The following PNLIPRP3 variants were observed in gnomAD, a reference collection of about 807,000 sequenced individuals.
The protein encoded by PNLIPRP3 is pancreatic lipase-related protein 3.
PNLIPRP3 carries 58 observed loss-of-function variants against 52.8 expected under a neutral mutation model. That is an observed-to-expected ratio of 1.10 (90% confidence interval 0.89 to 1.37). The LOEUF is 1.37. Ranked by LOEUF, PNLIPRP3 falls within the 40% of genes most tolerant of loss-of-function variation. PNLIPRP3 has a pLI of 0.00. For missense variants in PNLIPRP3, 593 were observed against 561.6 expected (o/e 1.06, Z -0.57); for synonymous variants, 192 against 185.0 (o/e 1.04, Z -0.31).
chr10:116,453,609 C>G (rs1846070273), intron 4 of PNLIPRP3, among the ~76,000 whole-genome samples: 2 of 151,986 alleles, frequency 1.3e-5, no homozygotes, highest in South Asian at 4.2e-4. Context: ...AGTGCCACCC[C>G]CTTGGTGATG....
intron 8 of PNLIPRP3, among the ~76,000 whole-genome samples, chr10:116,467,508 C>G (rs1312801146): frequency 6.6e-6 from 1 of 152,184 alleles, no homozygotes; most frequent in African/African-American, 2.4e-5. Flanking sequence ...TACTCAAGCA[C>G]TGCTACCCAT....
intron 5 of PNLIPRP3, among the ~76,000 whole-genome samples, chr10:116,460,149 T>C (rs182401171): frequency 1.8e-4 from 28 of 152,326 alleles, no homozygotes; most frequent in African/African-American, 6.3e-4. Context: ...ATAACACTTA[T>C]GATCACCACT....
chr10:116,446,269 C>T (rs1564696646), intron 4 of PNLIPRP3, among the ~76,000 whole-genome samples: 1 of 146,820 alleles, frequency 6.8e-6, no homozygotes, highest in Non-Finnish European at 1.5e-5. Context: ...TGGTGTGAAC[C>T]CGGGAGGCGG....
intron 7 of PNLIPRP3, among the ~76,000 whole-genome samples, chr10:116,461,976 G>T (rs1039159935): frequency 6.6e-6 from 1 of 152,114 alleles, no homozygotes; most frequent in African/African-American, 2.4e-5. Flanking sequence ...AGGGCATAAG[G>T]TTGGAGAGGG....
At position 116,476,658 on chromosome 10, in the gene PNLIPRP3, A is replaced by G. The variant is rs776854727; in HGVS notation, c.1179A>G (p.Lys393=). The G allele has an allele frequency of 2.6e-6, 4 of 1,568,250 alleles. No homozygotes were observed. The Admixed American group carries it at 8.2e-5, about 32-fold the overall frequency. ...GTCTTATTTTTGTTTACAGTGGAAA[A>G]CTTGAGCCAGGCATGACTTACACAA... is the stretch of plus-strand genomic sequence containing the variant. The part of the protein sequence containing the change: ...KTGEFAIVSG[K]LEPGMTYTKL... The change falls in exon 11 of 12, where the codon AAA becomes AAG. Residue 393 remains lysine, a synonymous_variant. Coordinates refer to ENST00000369230, the MANE Select transcript of PNLIPRP3 (RefSeq NM_001011709.3).
At chr10:116,435,303 G>A (rs2133111127) in intron 1 of PNLIPRP3, among the ~76,000 whole-genome samples, 1 of 152,216 alleles carries the variant, frequency 6.6e-6, no homozygotes, top group South Asian at 2.1e-4. Context: ...CTTGGAAGCT[G>A]GAAGGGAGGA....
At chr10:116,448,058 AAAG>A (rs1413783361) in intron 4 of PNLIPRP3, among the ~76,000 whole-genome samples, 3 of 152,022 alleles carry the variant, frequency 2.0e-5, no homozygotes, top group Non-Finnish European at 4.4e-5. Context: ...GAAAGAAAGA[AAAG>A]AAACAGAAAG....
intron 1 of PNLIPRP3, among the ~76,000 whole-genome samples, chr10:116,429,711 G>C (rs1389556539): frequency 6.6e-6 from 1 of 152,228 alleles, no homozygotes; most frequent in African/African-American, 2.4e-5. Context: ...AGTTAGACTG[G>C]TGAAGGCAGA....
Position 116,436,524 on chromosome 10 carries a change from G to T in PNLIPRP3, c.50-187G>T, listed in dbSNP as rs191005067. On this transcript the variant is annotated intron_variant, in intron 1 of 11. Transcript: ENST00000369230. Reference sequence around the variant, plus strand: ...GATTGCATTAAACAAAAAAGCTTCTGCACAGTAAAGGAACTAGTCAACAAA... The same window carrying T: ...GATTGCATTAAACAAAAAAGCTTCTTCACAGTAAAGGAACTAGTCAACAAA... Among the ~76,000 whole-genome samples, 15 of 152,218 alleles carry T rather than the reference G, an allele frequency of 9.9e-5. No individual in the cohort carries two copies. In the East Asian group the frequency reaches 2.9e-3, roughly 29 times the overall value.
intron 4 of PNLIPRP3, among the ~76,000 whole-genome samples, chr10:116,448,255 A>G (rs1845984755): frequency 6.6e-6 from 1 of 152,194 alleles, no homozygotes; most frequent in African/African-American, 2.4e-5. Flanking sequence ...AAAAGACGTA[A>G]TTATGACATC....
chr10:116,442,079 C>T lies in PNLIPRP3; in HGVS notation c.205-976C>T, dbSNP rs185828750. Among the ~76,000 whole-genome samples, 620 of 152,212 alleles carry T rather than the reference C, an allele frequency of 4.1e-3. 3 individuals carry two copies. The highest frequency in any genetic ancestry group is 0.01 in the Middle Eastern group (3 of 294). On this transcript the variant is annotated intron_variant, in intron 2 of 11. Coordinates refer to ENST00000369230, the MANE Select transcript of PNLIPRP3 (RefSeq NM_001011709.3). Reference sequence around the variant, plus strand: ...TCATAAATATCTAAATGTGTTGCTTCCAGGTTATAGGATTCACCACTGTCA... The same window carrying T: ...TCATAAATATCTAAATGTGTTGCTTTCAGGTTATAGGATTCACCACTGTCA...
rs1845780988 is a variant in PNLIPRP3 at position 116,436,800 on chromosome 10, T to C, written c.139T>C (p.Trp47Arg). 6.2e-7 allele frequency: 1 copy of C among 1,613,854 alleles called. No individual in the cohort carries two copies. Among genetic ancestry groups the C allele is most frequent in the East Asian group, 2.2e-5 (1 of 44,860 alleles). The part of the protein sequence containing the change: ...TFSTELVGLP[W>R]SPEKINTRFL... ...CTCAACAGAGTTGGTAGGTTTACCC[T>C]GGTCTCCAGAGAAGATAAACACTCG... Residue 47 changes from tryptophan to arginine, a missense_variant, in exon 2 of 12, where the codon TGG becomes CGG. Trp to Arg is a moderately radical substitution (Grantham distance 101). Transcript: ENST00000369230.
At chr10:116,432,362 A>G (rs1845718894) in intron 1 of PNLIPRP3, among the ~76,000 whole-genome samples, 1 of 152,222 alleles carries the variant, frequency 6.6e-6, no homozygotes, top group African/African-American at 2.4e-5. Flanking sequence ...CACTAGCTTC[A>G]TGTAATGTGC....
chr10:116,452,190 C>T (rs1485284621), intron 4 of PNLIPRP3, among the ~76,000 whole-genome samples: 2 of 152,184 alleles, frequency 1.3e-5, no homozygotes, highest in African/African-American at 4.8e-5. Flanking sequence ...AGAGTAATGA[C>T]TTCAGGTATC....
intron 11 of PNLIPRP3, 65 bp from the exon 12 acceptor site, chr10:116,477,025 A>G (rs992100938): frequency 7.3e-7 from 1 of 1,360,668 alleles, no homozygotes; most frequent in Non-Finnish European, 1.0e-6. Context: ...CGGGGGATCT[A>G]CCGTGTCTTT....
chr10:116,450,701 T>C (rs2133130021), intron 4 of PNLIPRP3, among the ~76,000 whole-genome samples: 1 of 152,124 alleles, frequency 6.6e-6, no homozygotes, highest in Non-Finnish European at 1.5e-5. Context: ...TAAGATAACC[T>C]AGAAGAAATA....
chr10:116,473,948 C>CAAAA (rs771490177), intron 10 of PNLIPRP3, among the ~76,000 whole-genome samples: 5 of 103,262 alleles, frequency 4.8e-5, no homozygotes, highest in East Asian at 3.5e-4. Context: ...CATATGGAAC[C>CAAAA]AAAAAAAAAA....
chr10:116,437,900 C>G (rs2133113964), intron 2 of PNLIPRP3, among the ~76,000 whole-genome samples: 1 of 152,236 alleles, frequency 6.6e-6, no homozygotes, highest in East Asian at 1.9e-4. Flanking sequence ...TCCGTCATCA[C>G]AGAAAGGTCC....
intron 1 of PNLIPRP3, among the ~76,000 whole-genome samples, chr10:116,432,092 C>CTACAT (rs1406567571): frequency 2.0e-5 from 3 of 150,404 alleles, no homozygotes; most frequent in Non-Finnish European, 2.9e-5. Flanking sequence ...TTGTCTGTCT[C>CTACAT]TACATCCCCT....
Sources: gnomAD v4.1 joint callset for allele counts (sites outside exome capture counted in the v4.1 genomes callset) on GRCh38, gnomAD v4.1.1 for gene constraint, MANE v1.5 for transcripts, NCBI Gene and HGNC (gene_info 2026-07-23, HGNC 2026-07-21) for gene names.